Variants in PDZRN3 observed in about 807,000 individuals in gnomAD.
The protein encoded by PDZRN3 is E3 ubiquitin-protein ligase PDZRN3.
Under a neutral mutation model 85.7 loss-of-function variants are expected in PDZRN3, and 38 were observed. The ratio of observed to expected loss-of-function variants is 0.44; its 90% CI spans 0.34 to 0.58. PDZRN3 has a LOEUF of 0.58. Among genes scored for constraint, PDZRN3 ranks in the 20% least tolerant of loss-of-function variants. The probability of loss-of-function intolerance (pLI) is 0.01; values close to 1 mark genes in which losing one functional copy is unlikely to be tolerated. For missense variants in PDZRN3, 1,629 were observed against 1,506.4 expected (o/e 1.08, Z -1.35); for synonymous variants, 759 against 638.0 (o/e 1.19, Z -2.86).
intron 3 of PDZRN3, among the ~76,000 whole-genome samples, chr3:73,477,261 G>A (rs944101480): frequency 6.6e-6 from 1 of 152,284 alleles, no homozygotes; most frequent in Middle Eastern, 3.4e-3. Context: ...CCATTAGGCA[G>A]AGGAGAAAAC....
intron 3 of PDZRN3, chr3:73,433,923 C>A: frequency 7.0e-7 from 1 of 1,418,502 alleles, no homozygotes; most frequent in South Asian, 1.5e-5. Context: ...TGCATGCACG[C>A]GCGTGCACAC....
intron 5 of PDZRN3, among the ~76,000 whole-genome samples, chr3:73,398,814 G>T (rs1484433439): frequency 6.6e-6 from 1 of 152,210 alleles, no homozygotes; most frequent in Non-Finnish European, 1.5e-5. Context: ...GTATTTAATT[G>T]TATGGGATTT....
At chr3:73,508,807 TA>T (rs1309077782) in intron 3 of PDZRN3, among the ~76,000 whole-genome samples, 1 of 152,120 alleles carries the variant, frequency 6.6e-6, no homozygotes, top group Admixed American at 6.5e-5. Context: ...GGAAAATAAA[TA>T]TTTTTTCTCT....
chr3:73,419,037 A>T (rs1385512540), intron 3 of PDZRN3, among the ~76,000 whole-genome samples: 1 of 152,158 alleles, frequency 6.6e-6, no homozygotes, highest in Non-Finnish European at 1.5e-5. Context: ...GGGGCACAGC[A>T]ATTAGCGTGT....
At chr3:73,397,740 A>G (rs1362739280) in intron 5 of PDZRN3, among the ~76,000 whole-genome samples, 1 of 152,236 alleles carries the variant, frequency 6.6e-6, no homozygotes, top group African/African-American at 2.4e-5. Flanking sequence ...ACATCTGTCC[A>G]AAACTGCCAG....
chr3:73,447,660 A>C (rs1702777483), intron 3 of PDZRN3, among the ~76,000 whole-genome samples: 1 of 152,152 alleles, frequency 6.6e-6, no homozygotes, highest in Non-Finnish European at 1.5e-5. Flanking sequence ...GAGGACGTGG[A>C]GGTCCATAGT....
At chr3:73,386,886 G>A (rs1268196375) in intron 8 of PDZRN3, among the ~76,000 whole-genome samples, 1 of 152,100 alleles carries the variant, frequency 6.6e-6, no homozygotes, top group Non-Finnish European at 1.5e-5. Flanking sequence ...GTTTCATACT[G>A]ATATGGTTTG....
At chr3:73,494,136 T>C (rs753841951) in intron 3 of PDZRN3, among the ~76,000 whole-genome samples, 2 of 152,234 alleles carry the variant, frequency 1.3e-5, no homozygotes, top group African/African-American at 2.4e-5. Context: ...TTCTGACACA[T>C]GCATTCCAGA....
At chr3:73,428,267 T>C (rs1234945675) in intron 3 of PDZRN3, among the ~76,000 whole-genome samples, 1 of 152,202 alleles carries the variant, frequency 6.6e-6, no homozygotes, top group Non-Finnish European at 1.5e-5. Context: ...GGTGAACGTG[T>C]TGGCTGAATG....
chr3:73,384,946 A>G lies in PDZRN3; in HGVS notation c.1636-16T>C, dbSNP rs1701332505. The G allele has an allele frequency of 6.3e-7, 1 of 1,575,106 alleles. No homozygotes were observed. Among genetic ancestry groups the G allele is most frequent in the African/African-American group, 1.4e-5 (1 of 73,622 alleles). On this transcript the variant is annotated splice_polypyrimidine_tract_variant and intron_variant, in intron 9 of 9. Coordinates refer to ENST00000263666, the MANE Select transcript of PDZRN3 (RefSeq NM_015009.3). ...CGTGCTTCTTCTGCATAAACACAAGAACAAAGGGTCACAGTGAGGGAGGCC... is the reference window on the plus strand; with the variant it reads ...CGTGCTTCTTCTGCATAAACACAAGGACAAAGGGTCACAGTGAGGGAGGCC...
intron 3 of PDZRN3, among the ~76,000 whole-genome samples, chr3:73,493,169 T>C (rs1703805250): frequency 6.6e-6 from 1 of 152,004 alleles, no homozygotes; most frequent in African/African-American, 2.4e-5. Context: ...AGGTGAGGGC[T>C]CTTTCAAGCC....
At position 73,597,742 on chromosome 3, in the gene PDZRN3, C is replaced by CAA. The variant is rs35587987; in HGVS notation, c.918+4610_918+4611dup. On this transcript the variant is annotated intron_variant, in intron 3 of 9. Coordinates refer to ENST00000263666, the MANE Select transcript of PDZRN3 (RefSeq NM_015009.3). ...GTTTAACTTATAGGCAAGCCATGAC[C>CAA]AAAAAAAAAAAAAAAAGATGAAGAG... Among the ~76,000 whole-genome samples, 142 of 107,494 alleles carry CAA rather than the reference C, an allele frequency of 1.3e-3. 1 individual carries two copies. The highest frequency in any genetic ancestry group is 3.5e-3 in the African/African-American group (107 of 30,314). 70.5% of individuals were successfully genotyped at this position (107,494 alleles called of 152,430 possible). A position where few individuals can be genotyped will look rare whatever the true frequency, so the allele number is the denominator to read the frequency against.
intron 3 of PDZRN3, among the ~76,000 whole-genome samples, chr3:73,476,400 C>A (rs1168708653): frequency 6.6e-6 from 1 of 152,166 alleles, no homozygotes; most frequent in East Asian, 1.9e-4. Context: ...CTAGACAGCA[C>A]TAGGAGGATG....
At chr3:73,387,870 C>CA in intron 8 of PDZRN3, 98 bp downstream of exon 8, 1 of 633,730 alleles carries the variant, frequency 1.6e-6, no homozygotes, top group South Asian at 2.2e-5. Flanking sequence ...AAAGCACCTT[C>CA]AAGTTCGCAG....
intron 3 of PDZRN3, among the ~76,000 whole-genome samples, chr3:73,558,248 T>C (rs1184246341): frequency 6.7e-6 from 1 of 149,912 alleles, no homozygotes; most frequent in Non-Finnish European, 1.5e-5. Context: ...CAGGAGCATA[T>C]CTGGAAAGTC....
intron 4 of PDZRN3, chr3:73,402,311 G>A (rs1701764890): frequency 6.6e-6 from 1 of 152,228 alleles, no homozygotes. Context: ...AATAATGTGA[G>A]GCAGTTTGGT....
chr3:73,564,296 G>C (rs981834147), intron 3 of PDZRN3, among the ~76,000 whole-genome samples: 1 of 152,120 alleles, frequency 6.6e-6, no homozygotes, highest in Non-Finnish European at 1.5e-5. Context: ...GCTGTTCTCT[G>C]CCCTCCCTAC....
chr3:73,580,051 A>G (rs1480045208), intron 3 of PDZRN3, among the ~76,000 whole-genome samples: 2 of 152,132 alleles, frequency 1.3e-5, no homozygotes, highest in Admixed American at 6.6e-5. Context: ...CCAAGTCTCC[A>G]TATTCTGTAA....
At chr3:73,439,473 C>T (rs7649356) in intron 3 of PDZRN3, among the ~76,000 whole-genome samples, 51,890 of 152,072 alleles carry the variant, frequency 0.34, 10,913 homozygotes, top group East Asian at 0.76. Context: ...TTTAGTCACT[C>T]GTGAACCCTC....
Sources: allele counts gnomAD v4.1 joint callset (sites outside exome capture counted in the v4.1 genomes callset), GRCh38; gene constraint gnomAD v4.1.1; transcripts MANE v1.5; gene names NCBI Gene and HGNC (gene_info 2026-07-23, HGNC 2026-07-21).